The following PRDM16 variants were observed in gnomAD, a reference collection of about 807,000 sequenced individuals.
PRDM16 encodes the protein PR/SET domain 16, also known as histone-lysine N-methyltransferase PRDM16.
A neutral mutation model predicts 110.6 loss-of-function variants in PRDM16; 23 were observed. The observed-to-expected ratio is 0.21, with a 90% confidence interval of 0.15 to 0.29. The LOEUF is 0.29. Among genes scored for constraint, PRDM16 ranks in the 10% least tolerant of loss-of-function variants. The probability of loss-of-function intolerance (pLI) is 1.00; values close to 1 mark genes in which losing one functional copy is unlikely to be tolerated. For synonymous variants in PRDM16, 799 were observed against 781.8 expected (o/e 1.02, Z -0.37); for missense variants, 1,615 against 1,794.3 (o/e 0.90, Z 1.81).
chr1:3,186,462 C>T lies in PRDM16; in HGVS notation c.375C>T (p.Asp125=). ...CCCGGGCGGCGGCAAAGGAGACAGA[C>T]TTCGGATGGGAGGTGAGCGATCGCG... ...VVPRAAAKET[D]FGWEQILTDV... is the part of the protein sequence containing the mutation. Residue 125 remains aspartate, a synonymous_variant, in exon 2 of 17, where the codon GAC becomes GAT. Transcript: ENST00000270722. The T allele has an allele frequency of 6.5e-7, 1 of 1,533,746 alleles. No individual in the cohort carries two copies. Among genetic ancestry groups the T allele is most frequent in the Non-Finnish European group, 8.8e-7 (1 of 1,139,992 alleles).
Position 3,246,211 on chromosome 1 carries a change from C to T in PRDM16, c.438+2074C>T, listed in dbSNP as rs990005856. ...TCTTATATGTGTGGCCATTAGGTCT[C>T]GCTCAGTGTGGCCCAAGGTCATTCT... is the stretch of plus-strand genomic sequence containing the variant. On this transcript the variant is annotated intron_variant, in intron 3 of 16. Transcript: ENST00000270722. The surrounding 1 kb of genome is among the most constrained non-coding windows in gnomAD (Gnocchi z 5.2). 8.5e-5 allele frequency among the ~76,000 whole-genome samples: 13 copies of T among 152,154 alleles called. No individual in the cohort carries two copies. The highest frequency in any genetic ancestry group is 2.9e-4 in the African/African-American group (12 of 41,448).
chr1:3,174,425 G>A (rs116291011), intron 1 of PRDM16, among the ~76,000 whole-genome samples: 1,531 of 152,212 alleles, frequency 0.01, 29 homozygotes, highest in African/African-American at 0.034. Flanking sequence ...CTTGGGAGCC[G>A]CTGGCCAGCC....
chr1:3,377,598 A>G (rs1242688493), intron 3 of PRDM16, among the ~76,000 whole-genome samples: 1 of 152,188 alleles, frequency 6.6e-6, no homozygotes, highest in Non-Finnish European at 1.5e-5. Flanking sequence ...ACAGGAGGGC[A>G]GTTTCCTTTG....
chr1:3,310,830 G>A (rs551630320), intron 3 of PRDM16, among the ~76,000 whole-genome samples: 43 of 152,298 alleles, frequency 2.8e-4, no homozygotes, highest in South Asian at 2.5e-3. Context: ...GTGTGCTGGT[G>A]TGGATTGTGC....
intron 3 of PRDM16, among the ~76,000 whole-genome samples, chr1:3,351,554 C>T: frequency 1.7e-5 from 1 of 57,258 alleles, no homozygotes; most frequent in African/African-American, 6.9e-5. Flanking sequence ...CTGTCCCCCT[C>T]CCTCTCTCAT....
intron 2 of PRDM16, among the ~76,000 whole-genome samples, chr1:3,220,478 G>A (rs1639127668): frequency 6.6e-6 from 1 of 152,218 alleles, no homozygotes; most frequent in Admixed American, 6.5e-5. Flanking sequence ...TGGGTCGGCA[G>A]GGCTGAGAAA....
chr1:3,179,341 A>C (rs1389891184), intron 1 of PRDM16, among the ~76,000 whole-genome samples: 2 of 152,190 alleles, frequency 1.3e-5, no homozygotes, highest in Non-Finnish European at 2.9e-5. Context: ...TGGACTCAGG[A>C]GTGGGTGTGG....
At chr1:3,211,756 G>A (rs900070142) in intron 2 of PRDM16, among the ~76,000 whole-genome samples, 2 of 152,244 alleles carry the variant, frequency 1.3e-5, no homozygotes, top group South Asian at 2.1e-4. Context: ...AAATGTGCAC[G>A]GAACAGCACA....
intron 2 of PRDM16, among the ~76,000 whole-genome samples, chr1:3,193,548 G>A (rs1041290240): frequency 8.5e-5 from 13 of 152,166 alleles, no homozygotes; most frequent in African/African-American, 2.2e-4. Context: ...ATGGACCTCC[G>A]CACTCTCCAT....
Position 3,367,040 on chromosome 1 carries a change from G to A in PRDM16, c.439-18112G>A, listed in dbSNP as rs1008379057. On this transcript the variant is annotated intron_variant, in intron 3 of 16. Transcript: ENST00000270722. Reference sequence around the variant, plus strand: ...CCCATCACTCTGGGAGGCCGAGGCCGGTGGATCACCTGAGGTCAGGAGTTC... The same window carrying A: ...CCCATCACTCTGGGAGGCCGAGGCCAGTGGATCACCTGAGGTCAGGAGTTC... 1.2e-4 allele frequency among the ~76,000 whole-genome samples: 19 copies of A among 152,330 alleles called. 1 individual carries two copies. Among genetic ancestry groups the A allele is most frequent in the East Asian group, 9.6e-4 (5 of 5,188 alleles).
intron 12 of PRDM16, among the ~76,000 whole-genome samples, chr1:3,421,622 C>G (rs1009747379): frequency 2.0e-5 from 3 of 152,246 alleles, no homozygotes; most frequent in East Asian, 3.8e-4. Context: ...TCAGGGCTCT[C>G]TGCAACCAAA....
At chr1:3,397,533 C>A (rs1394849260) in intron 5 of PRDM16, among the ~76,000 whole-genome samples, 1 of 152,266 alleles carries the variant, frequency 6.6e-6, no homozygotes, top group Non-Finnish European at 1.5e-5. Flanking sequence ...GAGGCCCTGG[C>A]CCGTCGGCTC....
chr1:3,284,122 G>A (rs547296455), intron 3 of PRDM16, among the ~76,000 whole-genome samples: 25 of 152,236 alleles, frequency 1.6e-4, no homozygotes, highest in African/African-American at 4.1e-4. Context: ...CCCGCCACCC[G>A]TAGCCCGCCC....
chr1:3,196,691 C>CG (rs1287516810), intron 2 of PRDM16, among the ~76,000 whole-genome samples: 1 of 152,190 alleles, frequency 6.6e-6, no homozygotes, highest in African/African-American at 2.4e-5. Context: ...TGAGAGTTCC[C>CG]GGGGGAGGTC....
chr1:3,172,783 G>A (rs1644040726), intron 1 of PRDM16, among the ~76,000 whole-genome samples: 1 of 152,222 alleles, frequency 6.6e-6, no homozygotes, highest in South Asian at 2.1e-4. Flanking sequence ...GGCTGCCGGG[G>A]CTGGGGGAGG....
chr1:3,289,730 T>A (rs2100353970), intron 3 of PRDM16, among the ~76,000 whole-genome samples: 1 of 152,266 alleles, frequency 6.6e-6, no homozygotes, highest in Admixed American at 6.5e-5. Context: ...CACGGATGTG[T>A]CCATGGAACA....
At chr1:3,413,255 G>A (rs1643724990) in intron 9 of PRDM16, among the ~76,000 whole-genome samples, 1 of 151,968 alleles carries the variant, frequency 6.6e-6, no homozygotes, top group African/African-American at 2.4e-5. Context: ...CCCTCCTGGT[G>A]CGCTCCTGCC....
At chr1:3,340,217 G>A (rs1307974135) in intron 3 of PRDM16, among the ~76,000 whole-genome samples, 2 of 152,050 alleles carry the variant, frequency 1.3e-5, no homozygotes, top group Admixed American at 6.5e-5. Context: ...CCTTACCTGG[G>A]CCCTTTGCAC....
chr1:3,210,741 T>A (rs1189232731), intron 2 of PRDM16, among the ~76,000 whole-genome samples: 2 of 152,256 alleles, frequency 1.3e-5, no homozygotes, highest in African/African-American at 4.8e-5. Context: ...ACTTGTTCAT[T>A]CACTTATGAG....
Sources: gnomAD v4.1 joint callset for allele counts (sites outside exome capture counted in the v4.1 genomes callset) on GRCh38, gnomAD v4.1.1 for gene constraint, Gnocchi (gnomAD v3.1) non-coding constraint, MANE v1.5 for transcripts, NCBI Gene and HGNC (gene_info 2026-07-23, HGNC 2026-07-21) for gene names.